The following GFPT1 variants were observed in gnomAD, a reference collection of about 807,000 sequenced individuals.
The protein encoded by GFPT1 is glutamine--fructose-6-phosphate transaminase 1, also known as glutamine--fructose-6-phosphate aminotransferase [isomerizing] 1.
A neutral mutation model predicts 92.0 loss-of-function variants in GFPT1; 40 were observed. That is an observed-to-expected ratio of 0.43 (90% CI 0.34 to 0.57). The LOEUF (loss-of-function observed/expected upper bound fraction) is 0.57, where lower values mean the gene tolerates loss of function less well. Among genes scored for constraint, GFPT1 ranks in the 20% least tolerant of loss-of-function variants. GFPT1 has a pLI of 0.02. For missense variants in GFPT1, 448 were observed against 869.1 expected (o/e 0.52, Z 6.09); for synonymous variants, 269 against 280.6 (o/e 0.96, Z 0.41).
chr2:69,370,050 C>G lies in GFPT1; in HGVS notation c.174G>C (p.Gln58His), dbSNP rs1671706488. The G allele has an allele frequency of 6.2e-7, 1 of 1,610,408 alleles. No individual in the cohort carries two copies. The highest frequency in any genetic ancestry group is 1.1e-5 in the South Asian group (1 of 91,016). The change falls in exon 3 of 20, where the codon CAG becomes CAC. Residue 58 changes from glutamine (Q) to histidine (H), a missense_variant. Physicochemically the swap from Gln to His is conservative, Grantham distance 24 (BLOSUM62 0). This residue lies in a region of GFPT1 where 72 missense variants were observed against 95.1 expected (regional missense o/e 0.76). Transcript: ENST00000357308. ...TAACTTTTCCTTTCTTCTTAATAAG[C>G]TGGATTTTGCAGGCATTGGCTTCCC... is the stretch of plus-strand genomic sequence containing the variant. ...KDWEANACKIQLIKKKGKVKA... is the reference protein window; with the variant it reads ...KDWEANACKIHLIKKKGKVKA...
chr2:69,355,071 G>A (rs1337785102), intron 7 of GFPT1, among the ~76,000 whole-genome samples: 3 of 151,758 alleles, frequency 2.0e-5, no homozygotes, highest in East Asian at 1.9e-4. Context: ...ATAAATAAAC[G>A]GTTTTTGTTT....
intron 10 of GFPT1, 86 bp from the exon 11 acceptor site, chr2:69,348,420 T>G: frequency 9.4e-7 from 1 of 1,063,412 alleles, no homozygotes; most frequent in South Asian, 1.3e-5. Context: ...AAGAACCAAA[T>G]TTCAATATAA....
At chr2:69,349,274 T>C (rs1015646987) in intron 10 of GFPT1, among the ~76,000 whole-genome samples, 3 of 152,222 alleles carry the variant, frequency 2.0e-5, no homozygotes, top group Non-Finnish European at 4.4e-5. Context: ...GTGTTCAATA[T>C]GAATGTATAA....
At chr2:69,370,515 T>C (rs1457595888) in intron 2 of GFPT1, among the ~76,000 whole-genome samples, 1 of 152,192 alleles carries the variant, frequency 6.6e-6, no homozygotes, top group Non-Finnish European at 1.5e-5. Context: ...CTAAGGAATT[T>C]GAAAAAGCTA....
intron 19 of GFPT1, among the ~76,000 whole-genome samples, chr2:69,326,660 T>A (rs909940119): frequency 2.0e-5 from 3 of 152,154 alleles, no homozygotes; most frequent in Non-Finnish European, 4.4e-5. Flanking sequence ...AGATAGAGGT[T>A]ATATTAAGAA....
intron 9 of GFPT1, among the ~76,000 whole-genome samples, chr2:69,352,811 C>T (rs1225637970): frequency 8.0e-5 from 12 of 149,420 alleles, no homozygotes; most frequent in Admixed American, 1.3e-4. Flanking sequence ...TTTGGGAGGC[C>T]GAGGTGGGCG....
At chr2:69,327,197 A>G in intron 18 of GFPT1, 122 bp from the exon 19 acceptor site, 1 of 803,322 alleles carries the variant, frequency 1.2e-6, no homozygotes, top group Non-Finnish European at 2.2e-6. Flanking sequence ...AGACTTCTTT[A>G]AATTCCTGTG....
At chr2:69,330,302 A>T (rs1487423523) in intron 15 of GFPT1, among the ~76,000 whole-genome samples, 1 of 152,180 alleles carries the variant, frequency 6.6e-6, no homozygotes, top group Non-Finnish European at 1.5e-5. Context: ...AAATGACTCA[A>T]CCTTTATTTC....
At position 69,359,249 on chromosome 2, in the gene GFPT1, T is replaced by C. The variant is rs201470680; in HGVS notation, c.408+19A>G. 368 of 1,402,418 alleles carry C rather than the reference T, an allele frequency of 2.6e-4. 1 individual carries two copies. The highest frequency in any genetic ancestry group is 1.5e-3 in the Middle Eastern group (8 of 5,178). 86.9% of individuals were successfully genotyped at this position (1,402,418 alleles called of 1,614,324 possible). On this transcript the variant is annotated intron_variant, in intron 5 of 19. Transcript: ENST00000357308. ...AAGTATTCTCAAAGACTGGGGTCTT[T>C]TGAGGTCACCTTACTTACCAAAAAC...
At chr2:69,328,094 CAAAAAAAAAAAAA>C (rs1175703265) in intron 18 of GFPT1, among the ~76,000 whole-genome samples, 164 bp downstream of exon 18, 1 of 82,788 alleles carries the variant, frequency 1.2e-5, no homozygotes, top group Non-Finnish European at 2.4e-5. Flanking sequence ...GACTCCATCT[CAAAAAAAAAAAAA>C]AAAAAAAACT....
intron 3 of GFPT1, among the ~76,000 whole-genome samples, chr2:69,366,267 A>T (rs1671608537): frequency 6.6e-6 from 1 of 152,230 alleles, no homozygotes; most frequent in Admixed American, 6.5e-5. Context: ...TTGCTGTAGG[A>T]ACATTACCGA....
In GFPT1 at chr2:69,352,454, A is replaced by T. The variant is rs1244560178; in HGVS notation, c.739+1805T>A. 6.9e-4 allele frequency among the ~76,000 whole-genome samples: 105 copies of T among 151,454 alleles called. 1 individual carries two copies. Among genetic ancestry groups the T allele is most frequent in the Non-Finnish European group, 4.4e-5 (3 of 67,872 alleles). On this transcript the variant is annotated intron_variant, in intron 9 of 19. Transcript: ENST00000357308. ...AGCCTGAAACCCCGTCTCTACTAAA[A>T]ATAGAAAAATTTGCTGGGTGTGGTG...
At chr2:69,351,473 A>G (rs574588533) in intron 9 of GFPT1, among the ~76,000 whole-genome samples, 1 of 152,318 alleles carries the variant, frequency 6.6e-6, no homozygotes, top group South Asian at 2.1e-4. Flanking sequence ...TATTTCATCT[A>G]TCCTCTTAAA....
chr2:69,386,299 T>C (rs1341817913), intron 1 of GFPT1, among the ~76,000 whole-genome samples: 1 of 152,248 alleles, frequency 6.6e-6, no homozygotes, highest in African/African-American at 2.4e-5. Flanking sequence ...TAGCTAGTAT[T>C]TTTAATGGAT....
chr2:69,377,878 A>G (rs144313396), intron 1 of GFPT1, among the ~76,000 whole-genome samples: 2 of 152,312 alleles, frequency 1.3e-5, no homozygotes, highest in Non-Finnish European at 2.9e-5. Context: ...ACTGGCAGCA[A>G]TTCATCAGGT....
intron 2 of GFPT1, among the ~76,000 whole-genome samples, chr2:69,370,640 G>A (rs187833560): frequency 6.6e-6 from 1 of 150,682 alleles, no homozygotes; most frequent in East Asian, 2.0e-4. Context: ...GAGAGAAACG[G>A]AAGGAAGAAA....
At chr2:69,337,009 T>C (rs547475845) in intron 15 of GFPT1, among the ~76,000 whole-genome samples, 2 of 151,892 alleles carry the variant, frequency 1.3e-5, no homozygotes, top group East Asian at 3.9e-4. Context: ...AAGAGAAAGA[T>C]ATTGTCATAC....
intron 1 of GFPT1, among the ~76,000 whole-genome samples, chr2:69,384,843 G>A (rs1558791052): frequency 6.6e-6 from 1 of 152,072 alleles, no homozygotes; most frequent in Non-Finnish European, 1.5e-5. Context: ...TAGATAGCAA[G>A]TAATCAGAAA....
In GFPT1 at chr2:69,367,342, T is replaced by A. The variant is rs549809434; in HGVS notation, c.223+2659A>T. Among the ~76,000 whole-genome samples the A allele has an allele frequency of 2.1e-3, 280 of 133,644 alleles. 3 individuals carry two copies. The highest frequency in any genetic ancestry group is 3.8e-3 in the Non-Finnish European group (238 of 63,176). The allele number at this position is 133,644 out of a possible 152,430, so 87.7% of individuals were successfully genotyped here. ...TCATTCACTATCATATACAACTTATTTTTTGTTGTTGTTGTTGTTGTTGTT... is the reference window on the plus strand; with the variant it reads ...TCATTCACTATCATATACAACTTATATTTTGTTGTTGTTGTTGTTGTTGTT... On this transcript the variant is annotated intron_variant, in intron 3 of 19. Transcript: ENST00000357308.
Sources: gnomAD v4.1 joint callset for allele counts (sites outside exome capture counted in the v4.1 genomes callset) on GRCh38, gnomAD v4.1.1 for gene constraint, gnomAD v4.1.1 regional missense constraint, MANE v1.5 for transcripts, NCBI Gene and HGNC (gene_info 2026-07-23, HGNC 2026-07-21) for gene names.